Variants in HERC4 observed in about 807,000 individuals in gnomAD.
HERC4 encodes probable E3 ubiquitin-protein ligase HERC4.
Under a neutral mutation model 124.3 loss-of-function variants are expected in HERC4, and 28 were observed. The ratio of observed to expected loss-of-function variants is 0.23; its 90% confidence interval spans 0.17 to 0.31. HERC4 has a LOEUF of 0.31. HERC4 is among the 10% of genes least tolerant of loss of function. HERC4 has a pLI of 1.00. For synonymous variants in HERC4, 407 were observed against 421.5 expected, an observed-to-expected ratio of 0.97 and a Z score of 0.42; for missense variants, 713 against 1,229.3, an observed-to-expected ratio of 0.58 and a Z score of 6.28.
chr10:68,043,340 C>T (rs1371591080), intron 4 of HERC4, among the ~76,000 whole-genome samples: 1 of 151,982 alleles, frequency 6.6e-6, no homozygotes, highest in Admixed American at 6.6e-5. Flanking sequence ...AATTTAAAAT[C>T]CTGTTCTATA....
chr10:67,951,917 C>CA (rs1005175891), intron 19 of HERC4, among the ~76,000 whole-genome samples: 39 of 150,834 alleles, frequency 2.6e-4, no homozygotes, highest in Admixed American at 6.0e-4. Flanking sequence ...AATATCCAGA[C>CA]AAAAAAAAAT....
intron 9 of HERC4, among the ~76,000 whole-genome samples, chr10:68,001,372 TAA>T (rs11422072): frequency 1.4e-5 from 2 of 147,146 alleles, no homozygotes; most frequent in East Asian, 2.0e-4. Flanking sequence ...ACCTTGTATT[TAA>T]AAAAAAAAAA....
chr10:67,941,669 CTTTTTT>C (rs755666986), intron 19 of HERC4, among the ~76,000 whole-genome samples: 3 of 91,760 alleles, frequency 3.3e-5, no homozygotes, highest in Admixed American at 1.3e-4. Context: ...TAAAACACAA[CTTTTTT>C]TTTTTTTTTT....
At chr10:68,073,806 T>C (rs2041680407) in intron 1 of HERC4, 120 bp from the exon 2 acceptor site, 2 of 152,166 alleles carry the variant, frequency 1.3e-5, no homozygotes, top group Non-Finnish European at 2.9e-5. Flanking sequence ...AACCATAATC[T>C]TAAATCACCT....
intron 21 of HERC4, among the ~76,000 whole-genome samples, chr10:67,938,441 A>G (rs2032571674): frequency 6.6e-6 from 1 of 151,294 alleles, no homozygotes; most frequent in Non-Finnish European, 1.5e-5. Context: ...CTGTCTCAAA[A>G]AAAAAGAAAA....
chr10:68,043,432 A>T (rs2039867070), intron 4 of HERC4, among the ~76,000 whole-genome samples: 1 of 152,238 alleles, frequency 6.6e-6, no homozygotes, highest in African/African-American at 2.4e-5. Flanking sequence ...AGTATGAGTT[A>T]ATGTATTATT....
rs548072549 is a variant in HERC4, at chr10:67,922,444, A to G, written c.*487T>C. On this transcript the variant is annotated 3_prime_UTR_variant, in exon 25 of 25. Transcript: ENST00000373700. ...TTTAAATCATAATTTTTAACCTTTAAAAGTCTGTTCAAGTTCAATTACAAC... is the reference window on the plus strand; with the variant it reads ...TTTAAATCATAATTTTTAACCTTTAGAAGTCTGTTCAAGTTCAATTACAAC... 1.3e-5 allele frequency: 2 copies of G among 152,188 alleles called. No individual in the cohort carries two copies. Among genetic ancestry groups the G allele is most frequent in the Non-Finnish European group, 2.9e-5 (2 of 68,024 alleles). The allele number at this position is 152,188 out of a possible 1,614,324, so 9.4% of individuals were successfully genotyped here.
At chr10:67,990,738 T>C (rs1391423929) in intron 13 of HERC4, among the ~76,000 whole-genome samples, 166 bp downstream of exon 13, 1 of 152,154 alleles carries the variant, frequency 6.6e-6, no homozygotes, top group African/African-American at 2.4e-5. Flanking sequence ...AAAAGATTTA[T>C]AGATCTTTGA....
At chr10:67,936,853 C>T (rs1202790104) in intron 21 of HERC4, among the ~76,000 whole-genome samples, 1 of 151,958 alleles carries the variant, frequency 6.6e-6, no homozygotes, top group Admixed American at 6.6e-5. Context: ...TTATAAAATA[C>T]TATGATGGGA....
chr10:67,924,591 A>T (rs1029414219), intron 24 of HERC4, among the ~76,000 whole-genome samples: 5 of 152,208 alleles, frequency 3.3e-5, no homozygotes, highest in Non-Finnish European at 5.9e-5. Flanking sequence ...TCATTCACTG[A>T]AAAGTCATTA....
intron 8 of HERC4, among the ~76,000 whole-genome samples, chr10:68,014,624 A>C (rs909533835): frequency 6.6e-6 from 1 of 152,212 alleles, no homozygotes; most frequent in Non-Finnish European, 1.5e-5. Context: ...TCTAGTACCA[A>C]TCAGAAGATT....
Position 68,052,026 on chromosome 10 carries a change from T to G in HERC4, c.227-7463A>C, listed in dbSNP as rs572566937. Among the ~76,000 whole-genome samples, 18 of 152,246 alleles carry G rather than the reference T, an allele frequency of 1.2e-4. No individual in the cohort carries two copies. The East Asian group carries it at 3.3e-3, about 28-fold the overall frequency. ...TAAAAAGGGTGAAAAAAAAGTATCATTGTGTTCCTATCAGTATTTATGAGT... is the reference window on the plus strand; with the variant it reads ...TAAAAAGGGTGAAAAAAAAGTATCAGTGTGTTCCTATCAGTATTTATGAGT... On this transcript the variant is annotated intron_variant, in intron 3 of 24. Transcript: ENST00000373700.
intron 23 of HERC4, among the ~76,000 whole-genome samples, 171 bp from the exon 24 acceptor site, chr10:67,925,358 T>C (rs1405038758): frequency 6.6e-6 from 1 of 152,108 alleles, no homozygotes; most frequent in Non-Finnish European, 1.5e-5. Context: ...AAAGAAGAAA[T>C]ACGTAAGAAT....
chr10:68,067,217 C>G (rs2041343793), intron 3 of HERC4: 1 of 152,582 alleles, frequency 6.6e-6, no homozygotes, highest in East Asian at 1.9e-4. Flanking sequence ...GATGTAGGGT[C>G]CTACACAAAG....
chr10:68,052,478 C>T (rs1362571757), intron 3 of HERC4, among the ~76,000 whole-genome samples: 3 of 152,132 alleles, frequency 2.0e-5, no homozygotes, highest in Non-Finnish European at 2.9e-5. Flanking sequence ...GCAAATCCAA[C>T]TTCAGTGTTT....
intron 1 of HERC4, chr10:68,074,123 A>G (rs1232062636): frequency 6.6e-6 from 1 of 152,208 alleles, no homozygotes; most frequent in Admixed American, 6.5e-5. Context: ...AATCTGTAGA[A>G]CTTTCCAGCA....
At chr10:67,960,027 T>A (rs1056623807) in intron 16 of HERC4, among the ~76,000 whole-genome samples, 1 of 152,080 alleles carries the variant, frequency 6.6e-6, no homozygotes, top group Non-Finnish European at 1.5e-5. Flanking sequence ...CTGATAGGAG[T>A]GTCTTTGTTT....
At chr10:68,002,631 C>T (rs1313922554) in intron 9 of HERC4, among the ~76,000 whole-genome samples, 2 of 137,698 alleles carry the variant, frequency 1.5e-5, no homozygotes, top group African/African-American at 2.6e-5. Flanking sequence ...TGGATTCTCA[C>T]TCTGTCGCCA....
At chr10:68,006,041 A>C (rs967010114) in intron 9 of HERC4, among the ~76,000 whole-genome samples, 1 of 152,206 alleles carries the variant, frequency 6.6e-6, no homozygotes, top group Non-Finnish European at 1.5e-5. Context: ...ACAAATAAGC[A>C]AAGAGAAAAA....
Sources: gnomAD v4.1 joint callset for allele counts (sites outside exome capture counted in the v4.1 genomes callset) on GRCh38, gnomAD v4.1.1 for gene constraint, MANE v1.5 for transcripts, NCBI Gene and HGNC (gene_info 2026-07-23, HGNC 2026-07-21) for gene names.